Variants in KCNK10 observed in about 807,000 individuals in gnomAD.
KCNK10 encodes the protein potassium channel subfamily K member 10.
Under a neutral mutation model 47.7 loss-of-function variants are expected in KCNK10, and 25 were observed. That is an observed-to-expected ratio of 0.52 (90% confidence interval 0.38 to 0.73). KCNK10 has a LOEUF of 0.73. Among genes scored for constraint, KCNK10 ranks in the 30% least tolerant of loss-of-function variants. The pLI, the probability that KCNK10 is intolerant of heterozygous loss-of-function variation, is 0.00. For synonymous variants in KCNK10, 303 were observed against 285.6 expected (o/e 1.06, Z -0.61); for missense variants, 563 against 714.5 (o/e 0.79, Z 2.42).
At chr14:88,317,451 G>A (rs1888452140) in intron 1 of KCNK10, among the ~76,000 whole-genome samples, 1 of 152,148 alleles carries the variant, frequency 6.6e-6, no homozygotes, top group Non-Finnish European at 1.5e-5. Flanking sequence ...GCTGAAAATA[G>A]CCATCAACTA....
At chr14:88,220,604 GAA>G (rs11446535) in intron 4 of KCNK10, among the ~76,000 whole-genome samples, 1 of 143,008 alleles carries the variant, frequency 7.0e-6, no homozygotes. Flanking sequence ...ACAACATGGA[GAA>G]AAAAAAAAAG....
chr14:88,229,234 A>AC (rs1276803381), intron 3 of KCNK10, among the ~76,000 whole-genome samples: 1 of 151,676 alleles, frequency 6.6e-6, no homozygotes, highest in Non-Finnish European at 1.5e-5. Flanking sequence ...CAAGTGCTAC[A>AC]CCCCCTTCCT....
chr14:88,226,692 G>A (rs987425029), intron 4 of KCNK10, among the ~76,000 whole-genome samples: 1 of 152,116 alleles, frequency 6.6e-6, no homozygotes, highest in Non-Finnish European at 1.5e-5. Flanking sequence ...ACTAATGCCA[G>A]GAATAATTTA....
chr14:88,309,033 T>C (rs1888258689), intron 1 of KCNK10, among the ~76,000 whole-genome samples: 1 of 152,220 alleles, frequency 6.6e-6, no homozygotes, highest in Non-Finnish European at 1.5e-5. Flanking sequence ...AAGCCTTGGC[T>C]AAACGGTTAG....
chr14:88,224,019 TAAAA>T (rs5810403), intron 4 of KCNK10, among the ~76,000 whole-genome samples: 1 of 146,626 alleles, frequency 6.8e-6, no homozygotes. Flanking sequence ...CATCTCCACT[TAAAA>T]AAAAAAAAAA....
chr14:88,199,842 C>A lies in KCNK10; in HGVS notation c.682-7432G>T, dbSNP rs1208202451. Among the ~76,000 whole-genome samples the A allele has an allele frequency of 2.0e-5, 3 of 152,126 alleles. No individual in the cohort carries two copies. In the East Asian group the frequency reaches 5.8e-4, roughly 29 times the overall value. ...ATTTTCTGTGACCTTATTTATCTTG[C>A]CTGTTAGAAGATTTGAAGACAGCCT... On this transcript the variant is annotated intron_variant, in intron 4 of 6. Coordinates refer to ENST00000319231, the MANE Select transcript of KCNK10 (RefSeq NM_138317.3).
intron 4 of KCNK10, among the ~76,000 whole-genome samples, chr14:88,214,488 A>G (rs1319631639): frequency 6.6e-6 from 1 of 152,234 alleles, no homozygotes; most frequent in Non-Finnish European, 1.5e-5. Flanking sequence ...CAAGTCAGCT[A>G]TTGGTACAGT....
chr14:88,205,679 G>A (rs1469729236), intron 4 of KCNK10, among the ~76,000 whole-genome samples: 2 of 151,540 alleles, frequency 1.3e-5, no homozygotes, highest in Admixed American at 1.3e-4. Context: ...CGAGTAGCTG[G>A]GACTACAGGC....
At chr14:88,191,449 G>C (rs1025806685) in intron 5 of KCNK10, among the ~76,000 whole-genome samples, 1 of 152,104 alleles carries the variant, frequency 6.6e-6, no homozygotes. Flanking sequence ...CTGATCACTT[G>C]TCTGAACATC....
intron 1 of KCNK10, among the ~76,000 whole-genome samples, chr14:88,283,641 G>A (rs539466290): frequency 1.3e-5 from 2 of 152,344 alleles, no homozygotes; most frequent in South Asian, 4.1e-4. Context: ...TTTGAAGGAA[G>A]GGGCTCACGC....
rs1445635021 is a variant in KCNK10, at chr14:88,185,102, A to T, written c.*433T>A. The stretch of plus-strand genomic sequence containing the variant: ...GTCAACTCCAACGCTAGTTACACAT[A>T]ACCAGCTCCCACCCAATCAGGTCCC... On this transcript the variant is annotated 3_prime_UTR_variant, in exon 7 of 7. Coordinates refer to ENST00000319231, the MANE Select transcript of KCNK10 (RefSeq NM_138317.3). The surrounding 1 kb of genome is among the most constrained non-coding windows in gnomAD (Gnocchi z 4.3). The T allele has an allele frequency of 1.8e-5, 3 of 168,456 alleles. No homozygotes were observed. The highest frequency in any genetic ancestry group is 3.9e-5 in the Non-Finnish European group (3 of 77,338). 10.4% of individuals were successfully genotyped at this position (168,456 alleles called of 1,614,324 possible).
chr14:88,188,266 G>A (rs947044679), intron 5 of KCNK10, among the ~76,000 whole-genome samples, 157 bp from the exon 6 acceptor site: 4 of 152,146 alleles, frequency 2.6e-5, no homozygotes, highest in Non-Finnish European at 5.9e-5. Context: ...TAGAGGGCAA[G>A]GGGGGTACCC....
chr14:88,325,667 G>A (rs1392592219), upstream of KCNK10, among the ~76,000 whole-genome samples: 1 of 138,442 alleles, frequency 7.2e-6, no homozygotes, highest in East Asian at 2.2e-4. Flanking sequence ...GTCTAAATAC[G>A]ATATTTTCCA....
chr14:88,269,419 G>T (rs566340352), intron 1 of KCNK10, among the ~76,000 whole-genome samples: 1 of 152,162 alleles, frequency 6.6e-6, no homozygotes, highest in Non-Finnish European at 1.5e-5. Flanking sequence ...GATCTTACAC[G>T]TGCATGAAGC....
upstream of KCNK10, among the ~76,000 whole-genome samples, chr14:88,324,573 C>T (rs1330603066): frequency 6.6e-6 from 1 of 152,090 alleles, no homozygotes; most frequent in Non-Finnish European, 1.5e-5. Flanking sequence ...ATGTGCTGGC[C>T]ATATGGCAGA....
intron 3 of KCNK10, among the ~76,000 whole-genome samples, chr14:88,238,539 G>A (rs558212464): frequency 2.0e-5 from 3 of 152,276 alleles, no homozygotes; most frequent in South Asian, 4.1e-4. Flanking sequence ...GCCAGGAATG[G>A]TGATGCACAC....
rs143047632 is a variant in KCNK10 at position 88,194,208 on chromosome 14, G to A, written c.682-1798C>T. ...CGACTTTTCCACACATGAAAGTGTC[G>A]TAACAAGATAAATTACCTGAAAACT... On this transcript the variant is annotated intron_variant, in intron 4 of 6. Coordinates refer to ENST00000319231, the MANE Select transcript of KCNK10 (RefSeq NM_138317.3). 8.4e-3 allele frequency among the ~76,000 whole-genome samples: 1,271 copies of A among 152,182 alleles called. 8 individuals carry two copies. Among genetic ancestry groups the A allele is most frequent in the Admixed American group, 0.017 (266 of 15,284 alleles).
intron 4 of KCNK10, among the ~76,000 whole-genome samples, chr14:88,193,401 G>A (rs867752296): frequency 1.3e-5 from 2 of 152,124 alleles, no homozygotes; most frequent in Admixed American, 6.5e-5. Context: ...TGCTGAAGGC[G>A]ACACTGGAAT....
At chr14:88,247,957 A>G (rs1185886999) in intron 2 of KCNK10, among the ~76,000 whole-genome samples, 2 of 152,220 alleles carry the variant, frequency 1.3e-5, no homozygotes. Flanking sequence ...GAAAGTATCA[A>G]GTCCACTAAG....
Sources: gnomAD v4.1 joint callset for allele counts (sites outside exome capture counted in the v4.1 genomes callset) on GRCh38, gnomAD v4.1.1 for gene constraint, Gnocchi (gnomAD v3.1) non-coding constraint, MANE v1.5 for transcripts, NCBI Gene and HGNC (gene_info 2026-07-23, HGNC 2026-07-21) for gene names.